Variants in TULP4 observed in about 807,000 individuals in gnomAD.
The protein encoded by TULP4 is tubby-related protein 4.
TULP4 carries 16 observed loss-of-function variants against 129.0 expected under a neutral mutation model. The observed-to-expected ratio is 0.12, with a 90% CI of 0.08 to 0.19. The LOEUF is 0.19. Among genes scored for constraint, TULP4 ranks in the 10% least tolerant of loss-of-function variants. The pLI, the probability that TULP4 is intolerant of heterozygous loss-of-function variation, is 1.00. For missense variants in TULP4, 1,842 were observed against 2,059.1 expected, an observed-to-expected ratio of 0.89 and a Z score of 2.04; for synonymous variants, 998 against 854.0, an observed-to-expected ratio of 1.17 and a Z score of -2.94.
At chr6:158,398,274 G>T (rs1352073537) in intron 1 of TULP4, among the ~76,000 whole-genome samples, 1 of 152,168 alleles carries the variant, frequency 6.6e-6, no homozygotes, top group Non-Finnish European at 1.5e-5. Context: ...ACAGTCATTA[G>T]TCTATCTGTG....
intron 1 of TULP4, among the ~76,000 whole-genome samples, chr6:158,409,057 A>C (rs1473206203): frequency 6.6e-6 from 1 of 152,154 alleles, no homozygotes; most frequent in African/African-American, 2.4e-5. Context: ...AAATCTATCA[A>C]CACCCTTTGG....
intron 3 of TULP4, among the ~76,000 whole-genome samples, chr6:158,444,957 G>A (rs991991116): frequency 3.3e-5 from 5 of 152,114 alleles, no homozygotes; most frequent in Non-Finnish European, 7.3e-5. Context: ...GACTACAGGT[G>A]CTCACCACCA....
intron 1 of TULP4, among the ~76,000 whole-genome samples, chr6:158,354,082 GCACCGTTTCCTGA>G (rs931339108): frequency 7.9e-4 from 121 of 152,308 alleles, no homozygotes; most frequent in African/African-American, 2.7e-3. Context: ...TTCTTAGCTG[GCACCGTTTCCTGA>G]GGAGTGCCTT....
In TULP4 at chr6:158,491,472, TTTTCTTTC is replaced by T. The variant is rs201892013; in HGVS notation, c.1631+1779_1631+1786del. On this transcript the variant is annotated intron_variant, in intron 9 of 13. Coordinates refer to ENST00000367097, the MANE Select transcript of TULP4 (RefSeq NM_020245.5). ...TTTCTTTCTTTTCTTTCTTTCTTTC[TTTTCTTTC>T]TTTCTTTCTTTCTTTCTTTCTTTCT... 6.1e-3 allele frequency among the ~76,000 whole-genome samples: 239 copies of T among 39,358 alleles called. 1 individual carries two copies. Among genetic ancestry groups the T allele is most frequent in the East Asian group, 0.017 (20 of 1,206 alleles). The allele number at this position is 39,358 out of a possible 152,430, so 25.8% of individuals were successfully genotyped here. A position where few individuals can be genotyped will look rare whatever the true frequency, so the allele number is the denominator to read the frequency against.
At chr6:158,447,682 C>T (rs1176573085) in intron 3 of TULP4, among the ~76,000 whole-genome samples, 4 of 152,324 alleles carry the variant, frequency 2.6e-5, no homozygotes, top group Admixed American at 2.6e-4. Flanking sequence ...AGGAGCTTCA[C>T]ATTAAAATCT....
At chr6:158,471,819 C>CAG (rs1779689046) in intron 6 of TULP4, among the ~76,000 whole-genome samples, 1 of 152,182 alleles carries the variant, frequency 6.6e-6, no homozygotes, top group Admixed American at 6.5e-5. Context: ...TATGGATGGA[C>CAG]TGGTGTCAAC....
chr6:158,362,576 C>T (rs1476892274), intron 1 of TULP4, among the ~76,000 whole-genome samples: 1 of 152,136 alleles, frequency 6.6e-6, no homozygotes, highest in Admixed American at 6.5e-5. Flanking sequence ...TCTGGAACTC[C>T]TGGCCTCAAG....
At chr6:158,363,789 G>GA in intron 1 of TULP4, among the ~76,000 whole-genome samples, 1 of 149,090 alleles carries the variant, frequency 6.7e-6, no homozygotes, top group South Asian at 2.1e-4. Context: ...AAGGCCGCGT[G>GA]TTTTTTTTTT....
chr6:158,323,704 C>T (rs1779686178), intron 1 of TULP4, among the ~76,000 whole-genome samples: 1 of 152,212 alleles, frequency 6.6e-6, no homozygotes, highest in Non-Finnish European at 1.5e-5. Flanking sequence ...CTCAGGGCTA[C>T]ATCATGGTTG....
chr6:158,334,601 C>CTGCA (rs1554281172), intron 1 of TULP4, among the ~76,000 whole-genome samples: 27 of 151,804 alleles, frequency 1.8e-4, no homozygotes, highest in East Asian at 9.7e-4. Flanking sequence ...CCCCTAACCC[C>CTGCA]CGCATTGTTC....
At chr6:158,450,535 T>C (rs1297467519) in intron 4 of TULP4, among the ~76,000 whole-genome samples, 3 of 152,172 alleles carry the variant, frequency 2.0e-5, no homozygotes, top group East Asian at 3.9e-4. Flanking sequence ...GACCAGTGGC[T>C]TGGGGGCTTT....
At chr6:158,304,092 G>A (rs1327080942) in intron 1 of TULP4, among the ~76,000 whole-genome samples, 1 of 152,118 alleles carries the variant, frequency 6.6e-6, no homozygotes, top group Non-Finnish European at 1.5e-5. Flanking sequence ...GGGGCCTTGT[G>A]TATAATATTA....
intron 1 of TULP4, among the ~76,000 whole-genome samples, chr6:158,344,010 A>G (rs1780245628): frequency 6.6e-6 from 1 of 152,160 alleles, no homozygotes; most frequent in Non-Finnish European, 1.5e-5. Flanking sequence ...ATGACATTCC[A>G]CCATCGTGAT....
intron 1 of TULP4, among the ~76,000 whole-genome samples, chr6:158,284,249 A>G (rs1184035954): frequency 6.6e-6 from 1 of 152,236 alleles, no homozygotes; most frequent in East Asian, 1.9e-4. Flanking sequence ...AAAAACATCC[A>G]TCAGCAAATG....
rs780958875 is a variant in TULP4, at chr6:158,511,223, AT to A, written c.*4535del. ...ATCTTGTTGTTTATTGTAGATAAAA[AT>A]TTTTTCGTGTTGTAGAAAAGCATGG... On this transcript the variant is annotated 3_prime_UTR_variant, in exon 14 of 14. Coordinates refer to ENST00000367097, the MANE Select transcript of TULP4 (RefSeq NM_020245.5). The A allele has an allele frequency of 6.6e-6, 1 of 152,454 alleles. No individual in the cohort carries two copies. The highest frequency in any genetic ancestry group is 2.4e-5 in the African/African-American group (1 of 41,372). The allele number at this position is 152,454 out of a possible 1,614,324, so 9.4% of individuals were successfully genotyped here.
chr6:158,300,982 T>C (rs181042469), intron 1 of TULP4, among the ~76,000 whole-genome samples: 2 of 152,316 alleles, frequency 1.3e-5, no homozygotes, highest in African/African-American at 4.8e-5. Context: ...ACCTTATCGT[T>C]ACCAGCAGAC....
intron 2 of TULP4, among the ~76,000 whole-genome samples, chr6:158,419,919 A>C (rs953254836): frequency 6.6e-6 from 1 of 152,242 alleles, no homozygotes; most frequent in African/African-American, 2.4e-5. Flanking sequence ...TGATCTGAGC[A>C]ACACAATTAA....
At chr6:158,388,322 CTTTT>C (rs10650311) in intron 1 of TULP4, among the ~76,000 whole-genome samples, 44 of 86,246 alleles carry the variant, frequency 5.1e-4, no homozygotes, top group African/African-American at 2.0e-3. Context: ...GCTCGTTTTT[CTTTT>C]TTTTTTTTTT....
chr6:158,422,911 C>T (rs1778382096), intron 2 of TULP4, among the ~76,000 whole-genome samples: 1 of 152,226 alleles, frequency 6.6e-6, no homozygotes, highest in South Asian at 2.1e-4. Context: ...GGGACAAGGG[C>T]CGGAAGGCGC....
Sources: gnomAD v4.1 joint callset for allele counts (sites outside exome capture counted in the v4.1 genomes callset) on GRCh38, gnomAD v4.1.1 for gene constraint, MANE v1.5 for transcripts, NCBI Gene and HGNC (gene_info 2026-07-23, HGNC 2026-07-21) for gene names.